Variants in AGFG1 observed in about 807,000 individuals in gnomAD.
The protein encoded by AGFG1 is arf-GAP domain and FG repeat-containing protein 1.
Under a neutral mutation model 60.6 loss-of-function variants are expected in AGFG1, and 10 were observed. The observed-to-expected ratio is 0.16, with a 90% CI of 0.10 to 0.28. The LOEUF (loss-of-function observed/expected upper bound fraction) is 0.28, where lower values mean the gene tolerates loss of function less well. Ranked by LOEUF, AGFG1 falls within the 10% of genes least tolerant of loss-of-function variation. AGFG1 has a pLI of 1.00. For synonymous variants in AGFG1, 247 were observed against 242.9 expected (o/e 1.02, Z -0.16); for missense variants, 537 against 676.5 (o/e 0.79, Z 2.29).
intron 1 of AGFG1, among the ~76,000 whole-genome samples, chr2:227,485,345 T>A (rs1410016758): frequency 1.3e-5 from 2 of 149,910 alleles, no homozygotes; most frequent in African/African-American, 4.9e-5. Flanking sequence ...CAAGTGATTC[T>A]CCTGCCTAAG....
At chr2:227,505,178 CT>C (rs1197439456) in intron 2 of AGFG1, among the ~76,000 whole-genome samples, 1 of 149,736 alleles carries the variant, frequency 6.7e-6, no homozygotes, top group Non-Finnish European at 1.5e-5. Context: ...TGATAATACT[CT>C]TTTTTGAAAT....
chr2:227,475,802 T>C (rs903673119), intron 1 of AGFG1, among the ~76,000 whole-genome samples: 2 of 152,212 alleles, frequency 1.3e-5, no homozygotes, highest in Non-Finnish European at 2.9e-5. Context: ...ACATCGTTAC[T>C]GTATTTACTT....
chr2:227,496,835 C>T (rs940457330), intron 2 of AGFG1, among the ~76,000 whole-genome samples: 2 of 152,058 alleles, frequency 1.3e-5, no homozygotes, highest in African/African-American at 4.8e-5. Flanking sequence ...TGGATGGTTT[C>T]TGTAGGGGGA....
intron 10 of AGFG1, among the ~76,000 whole-genome samples, chr2:227,549,630 T>G (rs796243548): frequency 1.3e-5 from 2 of 152,228 alleles, no homozygotes; most frequent in South Asian, 4.1e-4. Context: ...AATAAAACAA[T>G]CTAGCATTGT....
At chr2:227,521,483 A>C (rs1202241915) in intron 3 of AGFG1, among the ~76,000 whole-genome samples, 1 of 152,238 alleles carries the variant, frequency 6.6e-6, no homozygotes, top group Non-Finnish European at 1.5e-5. Context: ...TTCAGGAAAG[A>C]AGAAAATACT....
intron 1 of AGFG1, among the ~76,000 whole-genome samples, chr2:227,483,027 T>C (rs1209887891): frequency 1.3e-5 from 2 of 151,882 alleles, no homozygotes; most frequent in Non-Finnish European, 2.9e-5. Context: ...AAATGTGTAT[T>C]TGAGGATCTG....
At chr2:227,547,527 T>C (rs1466109773) in intron 10 of AGFG1, among the ~76,000 whole-genome samples, 1 of 152,066 alleles carries the variant, frequency 6.6e-6, no homozygotes, top group South Asian at 2.1e-4. Flanking sequence ...CTGGAGAAAA[T>C]ATTTGCAAAT....
intron 1 of AGFG1, among the ~76,000 whole-genome samples, chr2:227,478,139 A>ATT (rs11383047): frequency 2.0e-5 from 3 of 151,020 alleles, no homozygotes; most frequent in Non-Finnish European, 4.4e-5. Flanking sequence ...TTCTCGTGCT[A>ATT]TTTTTTATAT....
At chr2:227,489,653 A>T (rs1449387395) in intron 1 of AGFG1, among the ~76,000 whole-genome samples, 1 of 152,118 alleles carries the variant, frequency 6.6e-6, no homozygotes, top group Admixed American at 6.6e-5. Context: ...CAACAACCAA[A>T]CCCAAGTTAA....
chr2:227,512,913 A>G (rs1405228480), intron 2 of AGFG1, among the ~76,000 whole-genome samples: 1 of 152,220 alleles, frequency 6.6e-6, no homozygotes, highest in African/African-American at 2.4e-5. Context: ...ATGTATGTAG[A>G]TTGGCTTAGT....
chr2:227,524,725 G>A (rs757870101), intron 4 of AGFG1, 37 bp from the exon 5 acceptor site: 13 of 1,603,688 alleles, frequency 8.1e-6, no homozygotes, highest in African/African-American at 2.7e-5. Flanking sequence ...TTGCAGATCC[G>A]ACTGGAATAT....
At chr2:227,527,295 A>G (rs540475379) in intron 5 of AGFG1, among the ~76,000 whole-genome samples, 1 of 152,264 alleles carries the variant, frequency 6.6e-6, no homozygotes, top group Non-Finnish European at 1.5e-5. Context: ...GTGGTTTACC[A>G]TCTAAAAGGT....
intron 2 of AGFG1, among the ~76,000 whole-genome samples, chr2:227,494,842 C>T (rs1038731793): frequency 1.3e-5 from 2 of 152,152 alleles, no homozygotes; most frequent in African/African-American, 4.8e-5. Flanking sequence ...TACCAAGTTA[C>T]AGGGCAAAGG....
At chr2:227,493,896 C>T (rs906088478) in intron 2 of AGFG1, among the ~76,000 whole-genome samples, 11 of 152,076 alleles carry the variant, frequency 7.2e-5, no homozygotes, top group Admixed American at 2.6e-4. Context: ...TGGGAAGACC[C>T]GACAGAACAG....
chr2:227,519,922 A>G, intron 2 of AGFG1, 26 bp from the exon 3 acceptor site: 2 of 1,370,780 alleles, frequency 1.5e-6, no homozygotes, highest in East Asian at 2.4e-5. Context: ...TGAATTTAAC[A>G]TATATTTTTT....
chr2:227,533,404 A>T, intron 6 of AGFG1, 145 bp from the exon 7 acceptor site: 1 of 735,044 alleles, frequency 1.4e-6, no homozygotes, highest in Non-Finnish European at 2.2e-6. Context: ...CGTCACTTGT[A>T]GTCAAAAGCC....
At chr2:227,550,180 T>C (rs1692778332) in intron 10 of AGFG1, 1 of 363,818 alleles carries the variant, frequency 2.7e-6, no homozygotes, top group Non-Finnish European at 5.6e-6. Flanking sequence ...CTGCTAGTGT[T>C]CTGGATCCCT....
In AGFG1 at chr2:227,536,902, T is replaced by C. The variant is rs1293083118; in HGVS notation, c.1287T>C (p.Ala429=). Residue 429 remains alanine, a splice_region_variant and synonymous_variant, in exon 10 of 13, where the codon GCT becomes GCC. Coordinates refer to ENST00000310078, the MANE Select transcript of AGFG1 (RefSeq NM_004504.5). ...ASSSVPAPFG[A]TPSTNPFVAA... ...AGTGTATTTTATAATTTTTTAAAGC[T>C]ACGCCTTCCACAAATCCATTTGTTG... The C allele has an allele frequency of 6.2e-7, 1 of 1,611,798 alleles. No homozygotes were observed. The highest frequency in any genetic ancestry group is 1.1e-5 in the South Asian group (1 of 90,500).
rs1171728592 is a variant in AGFG1, at chr2:227,558,411, T to C, written c.*3916T>C. On this transcript the variant is annotated 3_prime_UTR_variant, in exon 13 of 13. Coordinates refer to ENST00000310078, the MANE Select transcript of AGFG1 (RefSeq NM_004504.5). ...TATTCTTGGTTTTTTTTTTTAACTTTAGAAGTAAATTAATATGGTAACTAG... is the reference window on the plus strand; with the variant it reads ...TATTCTTGGTTTTTTTTTTTAACTTCAGAAGTAAATTAATATGGTAACTAG... The C allele has an allele frequency of 6.6e-6, 1 of 152,098 alleles. No individual in the cohort carries two copies. The highest frequency in any genetic ancestry group is 2.4e-5 in the African/African-American group (1 of 41,418). 9.4% of individuals were successfully genotyped at this position (152,098 alleles called of 1,614,324 possible). A position where few individuals can be genotyped will look rare whatever the true frequency, so the allele number is the denominator to read the frequency against.
Sources: allele counts gnomAD v4.1 joint callset (sites outside exome capture counted in the v4.1 genomes callset), GRCh38; gene constraint gnomAD v4.1.1; transcripts MANE v1.5; gene names NCBI Gene and HGNC (gene_info 2026-07-23, HGNC 2026-07-21).